The following AHNAK2 variants were observed in gnomAD, a reference collection of about 807,000 sequenced individuals.
The protein encoded by AHNAK2 is AHNAK nucleoprotein 2, also known as protein AHNAK2.
In AHNAK2, 18 loss-of-function variants were observed where a neutral mutation model predicts 30.7. That is an observed-to-expected ratio of 0.59 (90% CI 0.41 to 0.87). The LOEUF (loss-of-function observed/expected upper bound fraction) is 0.87, where lower values mean the gene tolerates loss of function less well. AHNAK2 is among the 40% of genes least tolerant of loss of function. The probability of loss-of-function intolerance (pLI) is 0.00; values close to 1 mark genes in which losing one functional copy is unlikely to be tolerated. For missense variants in AHNAK2, 8,604 were observed against 7,373.0 expected (o/e 1.17, Z -6.11); for synonymous variants, 3,590 against 3,073.8 (o/e 1.17, Z -5.56).
rs773879060 is a variant in AHNAK2 at position 104,951,600 on chromosome 14, G to C, written c.3851C>G (p.Ala1284Gly). 3.2e-6 allele frequency: 4 copies of C among 1,247,144 alleles called. 1 individual carries two copies. The highest frequency in any genetic ancestry group is 4.5e-6 in the Non-Finnish European group (4 of 880,790). 77.3% of individuals were successfully genotyped at this position (1,247,144 alleles called of 1,614,324 possible). Residue 1284 changes from alanine (A) to glycine (G), a missense_variant, in exon 7 of 7, where the codon GCC (alanine) becomes GGC (glycine). Physicochemically the swap from Ala to Gly is moderately conservative, Grantham distance 60. Coordinates refer to ENST00000333244, the MANE Select transcript of AHNAK2 (RefSeq NM_138420.4). ...GGGCAGAGACACAGCCACTTCGTGG[G>C]CCGTCACCTCTGCCTTATGACCTTT... ...DLKGHKAEVTAHEVAVSLPSV... is the reference protein window; with the variant it reads ...DLKGHKAEVTGHEVAVSLPSV...
In AHNAK2 at chr14:104,949,454, C is replaced by A. The variant is rs766544052; in HGVS notation, c.5997G>T (p.Gly1999=). Residue 1999 remains glycine (G), a synonymous_variant, in exon 7 of 7, where the codon GGG becomes GGT. Transcript: ENST00000333244. ...KMPKFKMPSF[G]VSAPGRSIEA... ...CGATGGACCTCCCTGGGGCCGATACCCCGAACGACGGCATCTTGAATTTGG... is the reference window on the plus strand; with the variant it reads ...CGATGGACCTCCCTGGGGCCGATACACCGAACGACGGCATCTTGAATTTGG... 3 of 1,588,034 alleles carry A rather than the reference C, an allele frequency of 1.9e-6. No individual in the cohort carries two copies. Among genetic ancestry groups the A allele is most frequent in the African/African-American group, 2.7e-5 (2 of 73,364 alleles).
chr14:104,956,647 A>T lies in AHNAK2; in HGVS notation c.256T>A (p.Ser86Thr). 3 of 1,613,690 alleles carry T rather than the reference A, an allele frequency of 1.9e-6. No homozygotes were observed. Among genetic ancestry groups the T allele is most frequent in the Non-Finnish European group, 1.7e-6 (2 of 1,179,836 alleles). Residue 86 changes from serine to threonine, a missense_variant, in exon 4 of 7, where the codon TCC (serine) becomes ACC (threonine). Physicochemically the swap from Ser to Thr is moderately conservative, Grantham distance 58. Transcript: ENST00000333244. ...TCCCCTGAATCTCGCTTCCACCAGG[A>T]TCTCCGTCTCCCAGCAGAACCTTGC... ...GRQGSAGRRR[S>T]WWKRDSGDSR...
Position 104,942,805 on chromosome 14 carries a change from G to A in AHNAK2, c.12646C>T (p.Leu4216Phe), listed in dbSNP as rs2140825550. Residue 4216 changes from leucine to phenylalanine, a missense_variant, in exon 7 of 7, where the codon CTC becomes TTC. By Grantham distance (22) the Leu-to-Phe change is conservative. Transcript: ENST00000333244. ...LPKGAGLKGHLPKVQMPCLKM... is the reference protein window; with the variant it reads ...LPKGAGLKGHFPKVQMPCLKM... ...AAACAGGGCATCTGCACCTTGGGGA[G>A]GTGCCCTTTGAGGCCGGCTCCCTTG... 6.2e-7 allele frequency: 1 copy of A among 1,613,002 alleles called. No homozygotes were observed. Among genetic ancestry groups the A allele is most frequent in the East Asian group, 2.2e-5 (1 of 44,754 alleles).
intron 1 of AHNAK2, among the ~76,000 whole-genome samples, chr14:104,961,329 A>G (rs1391481230): frequency 1.3e-5 from 2 of 152,018 alleles, no homozygotes; most frequent in Non-Finnish European, 2.9e-5. Flanking sequence ...CCTGGCTAAC[A>G]CAGTGAAACC....
Position 104,944,086 on chromosome 14 carries a change from G to A in AHNAK2, c.11365C>T (p.Leu3789=), listed in dbSNP as rs541825334. The A allele has an allele frequency of 6.2e-7, 1 of 1,613,372 alleles. No individual in the cohort carries two copies. The highest frequency in any genetic ancestry group is 1.3e-5 in the African/African-American group (1 of 74,856). The change falls in exon 7 of 7, where the codon CTG becomes TTG. Residue 3789 remains leucine, a synonymous_variant. Coordinates refer to ENST00000333244, the MANE Select transcript of AHNAK2 (RefSeq NM_138420.4). ...KLDSAQLEGD[L]SLADKDVTAK... Reference sequence around the variant, plus strand: ...GTCACATCCTTGTCGGCCAGGGACAGGTCCCCCTCCAGCTGTGCACTATCC... The same window carrying A: ...GTCACATCCTTGTCGGCCAGGGACAAGTCCCCCTCCAGCTGTGCACTATCC...
rs1248746777 is a variant in AHNAK2, at chr14:104,953,085, G to A, written c.2366C>T (p.Ala789Val). ...DLKGPKAEVT[A>V]PDVKMSLSSM... The stretch of plus-strand genomic sequence containing the variant: ...GGACAGAGACATCTTCACATCGGGG[G>A]CTGTCACTTCCGCCTTGGGGCCTTT... Residue 789 changes from alanine (A) to valine (V), a missense_variant, in exon 7 of 7, where the codon GCC (alanine) becomes GTC (valine). Ala to Val is a moderately conservative substitution (Grantham distance 64). Transcript: ENST00000333244. The A allele has an allele frequency of 4.3e-6, 7 of 1,612,964 alleles. No individual in the cohort carries two copies. The African/African-American group carries it at 9.4e-5, about 22-fold the overall frequency.
chr14:104,961,291 G>A (rs534797794), intron 1 of AHNAK2, among the ~76,000 whole-genome samples: 1 of 152,074 alleles, frequency 6.6e-6, no homozygotes, highest in Non-Finnish European at 1.5e-5. Flanking sequence ...GAGGCGGGCG[G>A]ATCACGAGGT....
At position 104,950,023 on chromosome 14, in the gene AHNAK2, A is replaced by T. The variant is rs767551490; in HGVS notation, c.5428T>A (p.Ser1810Thr). ...GCAGTCACATCCTTGTCGGCCAGGG[A>T]CAGGTCACCCTCCAGCCGCACACTG... ...LDSVRLEGDL[S>T]LADKDVTAKD... is the part of the protein sequence containing the mutation. Residue 1810 changes from serine (S) to threonine (T), a missense_variant, in exon 7 of 7, where the codon TCC (serine) becomes ACC (threonine). By Grantham distance (58) the Ser-to-Thr change is moderately conservative (BLOSUM62 1). Coordinates refer to ENST00000333244, the MANE Select transcript of AHNAK2 (RefSeq NM_138420.4). The T allele has an allele frequency of 6.1e-5, 96 of 1,586,224 alleles. 9 individuals are homozygous for T. The African/African-American group carries it at 1.0e-3, about 17-fold the overall frequency.
chr14:104,944,791 C>T lies in AHNAK2; in HGVS notation c.10660G>A (p.Gly3554Arg). 1 of 1,612,928 alleles carries T rather than the reference C, an allele frequency of 6.2e-7. No individual in the cohort carries two copies. The highest frequency in any genetic ancestry group is 8.5e-7 in the Non-Finnish European group (1 of 1,179,592). ...GPVPEGAGLK[G>R]HLPKVEMPSL... ...GGCATCTCCACTTTGGGCAGGTGCC[C>T]TTTGAGGCCGGCTCCCTCGGGCACG... is the stretch of plus-strand genomic sequence containing the variant. The change falls in exon 7 of 7, where the codon GGG (glycine) becomes AGG (arginine). Residue 3554 changes from glycine to arginine, a missense_variant. Gly to Arg is a moderately radical substitution (Grantham distance 125, BLOSUM62 -2). Coordinates refer to ENST00000333244, the MANE Select transcript of AHNAK2 (RefSeq NM_138420.4).
In AHNAK2 at chr14:104,937,897, C is replaced by T. The variant is rs779782003; in HGVS notation, c.*166G>A. 2.6e-5 allele frequency: 18 copies of T among 687,900 alleles called. No homozygotes were observed. Among genetic ancestry groups the T allele is most frequent in the Non-Finnish European group, 4.0e-5 (18 of 446,944 alleles). The allele number at this position is 687,900 out of a possible 1,614,324, so 42.6% of individuals were successfully genotyped here. A position where few individuals can be genotyped will look rare whatever the true frequency, so the allele number is the denominator to read the frequency against. On this transcript the variant is annotated 3_prime_UTR_variant, in exon 7 of 7. Coordinates refer to ENST00000333244, the MANE Select transcript of AHNAK2 (RefSeq NM_138420.4). Reference sequence around the variant, plus strand: ...AAGCTTTGGTTCCATTTTAGGAGGGCTGTGTGATGGTGACAAAGGTGTTCT... The same window carrying T: ...AAGCTTTGGTTCCATTTTAGGAGGGTTGTGTGATGGTGACAAAGGTGTTCT...
chr14:104,963,795 A>C (rs1899220937), intron 1 of AHNAK2, among the ~76,000 whole-genome samples: 1 of 149,500 alleles, frequency 6.7e-6, no homozygotes, highest in Admixed American at 6.7e-5. Flanking sequence ...GCGCCACTGC[A>C]CTCCAGCCTG....
At position 104,944,392 on chromosome 14, in the gene AHNAK2, T is replaced by C. The variant is rs149476088; in HGVS notation, c.11059A>G (p.Ser3687Gly). Residue 3687 changes from serine to glycine, a missense_variant, in exon 7 of 7, where the codon AGC becomes GGC. Physicochemically the swap from Ser to Gly is moderately conservative, Grantham distance 56 (BLOSUM62 0). Transcript: ENST00000333244. ...MQGDLKTTDL[S>G]IQPPSADLKV... ...AGGTCGGCAGAAGGGGGCTGAATGC[T>C]GAGGTCAGTGGTCTTCAGGTCCCCC... 6.5e-4 allele frequency: 1,044 copies of C among 1,612,574 alleles called. 13 individuals carry two copies. The African/African-American group carries it at 0.012, about 18-fold the overall frequency.
At position 104,953,365 on chromosome 14, in the gene AHNAK2, C is replaced by A. The variant is rs372863196; in HGVS notation, c.2086G>T (p.Ala696Ser). Residue 696 changes from alanine (A) to serine (S), a missense_variant, in exon 7 of 7, where the codon GCC becomes TCC. Physicochemically the swap from Ala to Ser is moderately conservative, Grantham distance 99. Coordinates refer to ENST00000333244, the MANE Select transcript of AHNAK2 (RefSeq NM_138420.4). ...TTCGGCGCAGACACATCCACCGAGG[C>A]CTCCATGGACTTGCCTGGGGCTGAC... is the stretch of plus-strand genomic sequence containing the variant. ...GASAPGKSME[A>S]SVDVSAPKVE... The A allele has an allele frequency of 3.1e-6, 5 of 1,613,866 alleles. No individual in the cohort carries two copies. Among genetic ancestry groups the A allele is most frequent in the South Asian group, 2.2e-5 (2 of 91,070 alleles).
At chr14:104,961,463 C>T (rs1017006377) in intron 1 of AHNAK2, among the ~76,000 whole-genome samples, 3 of 149,564 alleles carry the variant, frequency 2.0e-5, no homozygotes, top group African/African-American at 7.4e-5. Flanking sequence ...TGCAGTGAGC[C>T]GAGATCGCGT....
In AHNAK2 at chr14:104,949,455, C is replaced by G. The variant is rs753931728; in HGVS notation, c.5996G>C (p.Gly1999Ala). 6.3e-7 allele frequency: 1 copy of G among 1,588,332 alleles called. No individual in the cohort carries two copies. The highest frequency in any genetic ancestry group is 2.2e-5 in the East Asian group (1 of 44,684). Reference protein sequence around the residue: ...KMPKFKMPSFGVSAPGRSIEA... With the variant: ...KMPKFKMPSFAVSAPGRSIEA... ...GATGGACCTCCCTGGGGCCGATACC[C>G]CGAACGACGGCATCTTGAATTTGGG... Residue 1999 changes from glycine to alanine, a missense_variant, in exon 7 of 7, where the codon GGG (glycine) becomes GCG (alanine). Physicochemically the swap from Gly to Ala is moderately conservative, Grantham distance 60. Transcript: ENST00000333244.
At chr14:104,956,145 A>G (rs1385570769) in intron 4 of AHNAK2, among the ~76,000 whole-genome samples, 2 of 152,152 alleles carry the variant, frequency 1.3e-5, no homozygotes, top group Admixed American at 6.5e-5. Context: ...GCCTCCAAGG[A>G]AAAAAACTAG....
intron 4 of AHNAK2, among the ~76,000 whole-genome samples, chr14:104,956,363 C>T (rs1490921410): frequency 6.6e-6 from 1 of 152,156 alleles, no homozygotes; most frequent in African/African-American, 2.4e-5. Flanking sequence ...GCATCAGACT[C>T]CACCCCAGGG....
rs765036923 is a variant in AHNAK2 at position 104,951,900 on chromosome 14, G to A, written c.3551C>T (p.Ala1184Val). The A allele has an allele frequency of 2.1e-5, 34 of 1,609,646 alleles. No homozygotes were observed. Among genetic ancestry groups the A allele is most frequent in the Middle Eastern group, 1.7e-4 (1 of 6,024 alleles). Residue 1184 changes from alanine (A) to valine (V), a missense_variant, in exon 7 of 7, where the codon GCC becomes GTC. Ala to Val is a moderately conservative substitution (Grantham distance 64). Transcript: ENST00000333244. ...TTTGGGTGCAGACACATCCACCGAG[G>A]CCTCGATGGACTTGCCTGGGGCTGA... is the stretch of plus-strand genomic sequence containing the variant. Reference protein sequence around the residue: ...GASAPGKSIEASVDVSAPKVE... With the variant: ...GASAPGKSIEVSVDVSAPKVE...
In AHNAK2 at chr14:104,966,184, A is replaced by C. The variant is rs965997139; in HGVS notation, c.56-8512T>G. Among the ~76,000 whole-genome samples the C allele has an allele frequency of 3.3e-5, 5 of 152,086 alleles. No individual in the cohort carries two copies. The highest frequency in any genetic ancestry group is 5.9e-5 in the Non-Finnish European group (4 of 67,984). The stretch of plus-strand genomic sequence containing the variant: ...AGGTGAGGGCAGGCAGGGCTGGGTC[A>C]GTGCCAGGAGGCATCAACACTCACC... On this transcript the variant is annotated intron_variant, in intron 1 of 6. Transcript: ENST00000333244. This position sits in a 1 kb window ranked among gnomAD's most constrained non-coding sequence, Gnocchi z 4.3.
Sources: gnomAD v4.1 joint callset for allele counts (sites outside exome capture counted in the v4.1 genomes callset) on GRCh38, gnomAD v4.1.1 for gene constraint, Gnocchi (gnomAD v3.1) non-coding constraint, MANE v1.5 for transcripts, NCBI Gene and HGNC (gene_info 2026-07-23, HGNC 2026-07-21) for gene names.